The following LSAMP variants were observed in gnomAD, a reference collection of about 807,000 sequenced individuals.
The protein encoded by LSAMP is limbic system-associated membrane protein.
LSAMP carries 7 observed loss-of-function variants against 38.6 expected under a neutral mutation model. The ratio of observed to expected loss-of-function variants is 0.18; its 90% CI spans 0.10 to 0.34. The LOEUF (loss-of-function observed/expected upper bound fraction) is 0.34. Among genes scored for constraint, LSAMP ranks in the 10% least tolerant of loss-of-function variants. LSAMP has a pLI of 1.00. For missense variants in LSAMP, 313 were observed against 420.0 expected (o/e 0.75, Z 2.23); for synonymous variants, 154 against 166.8 (o/e 0.92, Z 0.59).
intron 3 of LSAMP, among the ~76,000 whole-genome samples, chr3:115,886,357 G>A (rs1364944475): frequency 6.6e-6 from 1 of 151,884 alleles, no homozygotes; most frequent in Non-Finnish European, 1.5e-5. Flanking sequence ...ATCTTATTGT[G>A]AACTGTTAAT....
At chr3:115,843,010 C>T (rs899566325) in intron 4 of LSAMP, among the ~76,000 whole-genome samples, 1 of 151,818 alleles carries the variant, frequency 6.6e-6, no homozygotes, top group African/African-American at 2.4e-5. Context: ...TTTGAGATGG[C>T]CTTGAGGAGT....
chr3:116,110,847 C>T (rs2107470118), intron 1 of LSAMP, among the ~76,000 whole-genome samples: 1 of 152,224 alleles, frequency 6.6e-6, no homozygotes, highest in Non-Finnish European at 1.5e-5. Context: ...TTTGTGTAAG[C>T]AACATGGCTG....
intron 2 of LSAMP, among the ~76,000 whole-genome samples, chr3:116,068,042 A>C (rs1187423405): frequency 6.6e-6 from 1 of 152,180 alleles, no homozygotes; most frequent in Non-Finnish European, 1.5e-5. Flanking sequence ...AGGTACCCCA[A>C]AGTCTATGGA....
chr3:115,884,593 G>T (rs1490398645), intron 3 of LSAMP, among the ~76,000 whole-genome samples: 1 of 152,004 alleles, frequency 6.6e-6, no homozygotes, highest in African/African-American at 2.4e-5. Flanking sequence ...TCACTGTATA[G>T]AAGATGACTA....
intron 3 of LSAMP, among the ~76,000 whole-genome samples, chr3:115,858,613 G>A (rs911264849): frequency 2.0e-5 from 3 of 151,996 alleles, no homozygotes; most frequent in Non-Finnish European, 2.9e-5. Flanking sequence ...ACTCACCTAC[G>A]TTTGAATATT....
intron 1 of LSAMP, among the ~76,000 whole-genome samples, chr3:116,185,265 T>C (rs1710586908): frequency 6.6e-6 from 1 of 152,034 alleles, no homozygotes; most frequent in Admixed American, 6.6e-5. Flanking sequence ...GTTAGTTACT[T>C]ACCTCATCTG....
At chr3:115,841,627 G>C (rs1050518930) in intron 6 of LSAMP, 1 of 434,674 alleles carries the variant, frequency 2.3e-6, no homozygotes, top group Non-Finnish European at 4.0e-6. Flanking sequence ...CAAACAACAA[G>C]GCAGTTATCA....
At chr3:115,839,734 C>T (rs548245042) in intron 6 of LSAMP, among the ~76,000 whole-genome samples, 131 of 152,140 alleles carry the variant, frequency 8.6e-4, no homozygotes, top group Non-Finnish European at 1.4e-3. Flanking sequence ...ATGGTAGTGC[C>T]TATGTGGGAC....
chr3:116,172,263 T>C (rs1260156420), intron 1 of LSAMP, among the ~76,000 whole-genome samples: 1 of 151,944 alleles, frequency 6.6e-6, no homozygotes, highest in African/African-American at 2.4e-5. Flanking sequence ...TTCACAACCG[T>C]CTATAATCTG....
chr3:116,206,642 T>G (rs2046073689), intron 1 of LSAMP, among the ~76,000 whole-genome samples: 1 of 151,486 alleles, frequency 6.6e-6, no homozygotes, highest in African/African-American at 2.4e-5. Context: ...TCTTTATTTC[T>G]GCCTTCATTT....
intron 3 of LSAMP, among the ~76,000 whole-genome samples, chr3:115,954,822 T>C (rs1938401671): frequency 6.6e-6 from 1 of 152,210 alleles, no homozygotes; most frequent in Non-Finnish European, 1.5e-5. Flanking sequence ...CTGATCCTGT[T>C]CCAGATTGGC....
At chr3:116,060,457 T>C (rs1434873535) in intron 2 of LSAMP, among the ~76,000 whole-genome samples, 1 of 151,574 alleles carries the variant, frequency 6.6e-6, no homozygotes, top group African/African-American at 2.4e-5. Context: ...CACACACACA[T>C]AGACATAAAA....
intron 1 of LSAMP, among the ~76,000 whole-genome samples, chr3:116,327,754 C>G (rs1416157579): frequency 6.6e-6 from 1 of 152,064 alleles, no homozygotes; most frequent in Non-Finnish European, 1.5e-5. Context: ...AAATAACATT[C>G]ATTTGGCAAC....
intron 3 of LSAMP, among the ~76,000 whole-genome samples, chr3:115,899,998 A>T (rs1936833860): frequency 6.6e-6 from 1 of 152,182 alleles, no homozygotes. Flanking sequence ...ATAATCCTTC[A>T]TGTCCTCACA....
At chr3:116,348,904 T>A (rs1174845371) in intron 1 of LSAMP, among the ~76,000 whole-genome samples, 1 of 152,160 alleles carries the variant, frequency 6.6e-6, no homozygotes, top group African/African-American at 2.4e-5. Context: ...TTTTAAAATA[T>A]GTATTATCTT....
chr3:116,053,691 C>G (rs114954460), intron 2 of LSAMP, among the ~76,000 whole-genome samples: 1 of 152,032 alleles, frequency 6.6e-6, no homozygotes, highest in Non-Finnish European at 1.5e-5. Context: ...AAATGAGAGA[C>G]AGAATGTAAG....
intron 1 of LSAMP, among the ~76,000 whole-genome samples, chr3:116,420,042 G>T (rs1293746857): frequency 6.6e-6 from 1 of 151,816 alleles, no homozygotes; most frequent in East Asian, 1.9e-4. Context: ...AGCAGAAAAA[G>T]GGTTTATAGC....
chr3:116,363,753 A>T (rs1196019868), intron 1 of LSAMP, among the ~76,000 whole-genome samples: 1 of 148,988 alleles, frequency 6.7e-6, no homozygotes, highest in Non-Finnish European at 1.5e-5. Flanking sequence ...AGAACCAAAG[A>T]CAAAAACCAC....
chr3:116,424,493 G>C (rs2049168863), intron 1 of LSAMP, among the ~76,000 whole-genome samples: 1 of 152,186 alleles, frequency 6.6e-6, no homozygotes, highest in African/African-American at 2.4e-5. Flanking sequence ...ACTAATGAAG[G>C]CTGAATGTTT....
Sources: gnomAD v4.1 joint callset for allele counts (sites outside exome capture counted in the v4.1 genomes callset) on GRCh38, gnomAD v4.1.1 for gene constraint, MANE v1.5 for transcripts, NCBI Gene and HGNC (gene_info 2026-07-23, HGNC 2026-07-21) for gene names.